The following NEDD4L variants were observed in gnomAD, a reference collection of about 807,000 sequenced individuals.
NEDD4L encodes NEDD4 like E3 ubiquitin protein ligase.
A neutral mutation model predicts 148.9 loss-of-function variants in NEDD4L; 54 were observed. That is an observed-to-expected ratio of 0.36 (90% CI 0.29 to 0.45). The LOEUF is 0.45. Among genes scored for constraint, NEDD4L ranks in the 20% least tolerant of loss-of-function variants. The pLI, the probability that NEDD4L is intolerant of heterozygous loss-of-function variation, is 1.00. For missense variants in NEDD4L, 856 were observed against 1,233.8 expected (o/e 0.69, Z 4.59); for synonymous variants, 433 against 440.7 (o/e 0.98, Z 0.22).
At position 58,251,124 on chromosome 18, in the gene NEDD4L, C is replaced by T. The variant is rs184343491; in HGVS notation, c.244-877C>T. ...GTTACTTCACTGAACCTCAGGGTCT[C>T]GGCTCCTCATTTATAAAATTGCGTG... On this transcript the variant is annotated intron_variant, in intron 4 of 30. Coordinates refer to ENST00000400345, the MANE Select transcript of NEDD4L (RefSeq NM_001144967.3). Among the ~76,000 whole-genome samples, 26 of 152,214 alleles carry T rather than the reference C, an allele frequency of 1.7e-4. No individual in the cohort carries two copies. In the East Asian group the frequency reaches 4.4e-3, roughly 26 times the overall value.
chr18:58,383,195 A>G (rs1311871369), intron 24 of NEDD4L, 51 bp from the exon 25 acceptor site: 10 of 912,346 alleles, frequency 1.1e-5, no homozygotes, highest in East Asian at 2.6e-5. Context: ...CAATAATAAT[A>G]TGCAAGATAA....
At chr18:58,237,854 A>G (rs892140126) in intron 2 of NEDD4L, among the ~76,000 whole-genome samples, 1 of 152,130 alleles carries the variant, frequency 6.6e-6, no homozygotes, top group African/African-American at 2.4e-5. Flanking sequence ...GGGACCCTCA[A>G]GTGACTAGTT....
intron 30 of NEDD4L, among the ~76,000 whole-genome samples, chr18:58,394,106 T>C (rs1205472715): frequency 1.3e-5 from 2 of 152,190 alleles, no homozygotes; most frequent in African/African-American, 4.8e-5. Context: ...CCCAGCTCAT[T>C]AGTGCAGAGC....
intron 2 of NEDD4L, among the ~76,000 whole-genome samples, chr18:58,213,479 G>C (rs372871894): frequency 3.8e-4 from 58 of 152,298 alleles, no homozygotes; most frequent in African/African-American, 1.4e-3. Context: ...ATAATATCCA[G>C]TTCTAAAAGA....
chr18:58,267,944 G>A (rs898550717), intron 5 of NEDD4L, among the ~76,000 whole-genome samples: 1 of 152,080 alleles, frequency 6.6e-6, no homozygotes, highest in African/African-American at 2.4e-5. Context: ...GTTTCTGCAT[G>A]TTTCCCTCAG....
intron 1 of NEDD4L, among the ~76,000 whole-genome samples, chr18:58,080,353 A>G (rs2083368854): frequency 6.6e-6 from 1 of 152,220 alleles, no homozygotes; most frequent in South Asian, 2.1e-4. Flanking sequence ...TTTAGGTTTG[A>G]CATCCACCCT....
At chr18:58,327,261 C>G (rs1945397270) in intron 9 of NEDD4L, among the ~76,000 whole-genome samples, 2 of 152,168 alleles carry the variant, frequency 1.3e-5, no homozygotes, top group African/African-American at 4.8e-5. Flanking sequence ...CCATGCCCAG[C>G]TAATGTTTGT....
chr18:58,203,302 T>G (rs991381978), intron 2 of NEDD4L, among the ~76,000 whole-genome samples: 3 of 152,216 alleles, frequency 2.0e-5, no homozygotes, highest in African/African-American at 7.2e-5. Context: ...AATAAAAACT[T>G]AATTGCAAAT....
intron 30 of NEDD4L, among the ~76,000 whole-genome samples, chr18:58,393,906 A>C (rs1293669628): frequency 6.6e-6 from 1 of 152,208 alleles, no homozygotes; most frequent in Non-Finnish European, 1.5e-5. Context: ...CTGACATTCA[A>C]AGGACTTCAT....
chr18:58,213,758 T>TTG (rs1219907753), intron 2 of NEDD4L, among the ~76,000 whole-genome samples: 1 of 149,112 alleles, frequency 6.7e-6, no homozygotes, highest in Non-Finnish European at 1.5e-5. Context: ...GTTGTTGTTG[T>TTG]TTTTTTTTTA....
chr18:58,054,056 C>T (rs773252354), intron 1 of NEDD4L, among the ~76,000 whole-genome samples: 1 of 152,138 alleles, frequency 6.6e-6, no homozygotes, highest in Non-Finnish European at 1.5e-5. Context: ...TGAAGATGTT[C>T]GTGTTGAATG....
chr18:58,256,342 T>C lies in NEDD4L; in HGVS notation c.297+4288T>C. On this transcript the variant is annotated intron_variant, in intron 5 of 30. Transcript: ENST00000400345. This position sits in a 1 kb window ranked among gnomAD's most constrained non-coding sequence, Gnocchi z 5.2. Reference sequence around the variant, plus strand: ...CCCTGCAGCACGTTCCAGATGCTTCTGGAAGCTCTGGGAAGCGGTGTTTTG... The same window carrying C: ...CCCTGCAGCACGTTCCAGATGCTTCCGGAAGCTCTGGGAAGCGGTGTTTTG... 1 of 1,232,120 alleles carries C rather than the reference T, an allele frequency of 8.1e-7. No individual in the cohort carries two copies. The highest frequency in any genetic ancestry group is 1.0e-6 in the Non-Finnish European group (1 of 987,940). 76.3% of individuals were successfully genotyped at this position (1,232,120 alleles called of 1,614,324 possible). A position where few individuals can be genotyped will look rare whatever the true frequency, so the allele number is the denominator to read the frequency against.
chr18:58,343,185 C>A, intron 16 of NEDD4L, 82 bp downstream of exon 16: 1 of 1,204,118 alleles, frequency 8.3e-7, no homozygotes, highest in Non-Finnish European at 1.1e-6. Flanking sequence ...GTTTGTAGTT[C>A]TTGCAGAGGA....
intron 6 of NEDD4L, among the ~76,000 whole-genome samples, chr18:58,316,813 G>A (rs1404842291): frequency 2.0e-5 from 3 of 152,310 alleles, no homozygotes; most frequent in South Asian, 4.1e-4. Flanking sequence ...TTCTTCCCTG[G>A]GCAGCACAAC....
intron 2 of NEDD4L, among the ~76,000 whole-genome samples, chr18:58,227,192 G>A (rs536174576): frequency 1.3e-5 from 2 of 152,312 alleles, no homozygotes; most frequent in South Asian, 2.1e-4. Context: ...TGTAGGCTCC[G>A]CAGAGGTAGA....
chr18:58,101,598 C>T (rs1354902368), intron 1 of NEDD4L, among the ~76,000 whole-genome samples: 3 of 152,032 alleles, frequency 2.0e-5, no homozygotes, highest in East Asian at 1.9e-4. Context: ...GGCCTGCGAG[C>T]CTCCATTTGC....
At chr18:58,347,669 G>A (rs2043273963) in intron 16 of NEDD4L, among the ~76,000 whole-genome samples, 6 of 152,130 alleles carry the variant, frequency 3.9e-5, no homozygotes, top group Admixed American at 3.9e-4. Context: ...ATTGGGTTCA[G>A]GGTCAATATG....
chr18:58,120,688 G>A (rs1427295824), intron 1 of NEDD4L, among the ~76,000 whole-genome samples: 1 of 152,186 alleles, frequency 6.6e-6, no homozygotes, highest in Non-Finnish European at 1.5e-5. Flanking sequence ...GTTGAGGCAG[G>A]AGAATGGCAT....
intron 1 of NEDD4L, among the ~76,000 whole-genome samples, chr18:58,058,420 TG>T (rs1398699119): frequency 3.9e-5 from 6 of 152,216 alleles, no homozygotes; most frequent in Non-Finnish European, 8.8e-5. Context: ...TGTCTAGCCA[TG>T]GAACTCTTTC....
Sources: allele counts gnomAD v4.1 joint callset (sites outside exome capture counted in the v4.1 genomes callset), GRCh38; gene constraint gnomAD v4.1.1; non-coding constraint Gnocchi (gnomAD v3.1); transcripts MANE v1.5; gene names NCBI Gene and HGNC (gene_info 2026-07-23, HGNC 2026-07-21).